The following RP1L1 variants were observed in gnomAD, a reference collection of about 807,000 sequenced individuals.
RP1L1 encodes retinitis pigmentosa 1-like 1 protein.
In RP1L1, 27 loss-of-function variants were observed where a neutral mutation model predicts 15.7. The observed-to-expected ratio is 1.72, with a 90% CI of 1.27 to 2.38. The LOEUF (loss-of-function observed/expected upper bound fraction) is 2.38, where lower values mean the gene tolerates loss of function less well. Ranked by LOEUF, RP1L1 falls within the 30% of genes most tolerant of loss-of-function variation. The probability of loss-of-function intolerance (pLI) is 0.00; values close to 1 mark genes in which losing one functional copy is unlikely to be tolerated. For synonymous variants in RP1L1, 1,813 were observed against 1,276.7 expected (o/e 1.42, Z -8.96); for missense variants, 4,798 against 3,075.9 (o/e 1.56, Z -13.24).
Position 10,612,438 on chromosome 8 carries a change from C to T in RP1L1, c.1660G>A (p.Gly554Ser), listed in dbSNP as rs1184701440. The change falls in exon 4 of 4, where the codon GGC becomes AGC. Residue 554 changes from glycine to serine, a missense_variant. Gly to Ser is a moderately conservative substitution (Grantham distance 56, BLOSUM62 0). Coordinates refer to ENST00000382483, the MANE Select transcript of RP1L1 (RefSeq NM_178857.6). ...TCGGCCCTTGCCTTGCCTGGACAGC[C>T]CTGGGGCCGCCCACCCCATTCGCTG... ...GSSEWGGRPQ[G>S]CPGKARAETS... is the part of the protein sequence containing the mutation. The T allele has an allele frequency of 1.9e-6, 3 of 1,612,604 alleles. No homozygotes were observed. Among genetic ancestry groups the T allele is most frequent in the Non-Finnish European group, 1.7e-6 (2 of 1,180,030 alleles).
Position 10,609,396 on chromosome 8 carries a change from G to A in RP1L1, c.4702C>T (p.Leu1568Phe), listed in dbSNP as rs1282133024. Residue 1568 changes from leucine to phenylalanine, a missense_variant, in exon 4 of 4, where the codon CTC (leucine) becomes TTC (phenylalanine). Leu to Phe is a conservative substitution (Grantham distance 22). Coordinates refer to ENST00000382483, the MANE Select transcript of RP1L1 (RefSeq NM_178857.6). ...AELQQDVAQR[L>F]QDSTKRELQK... Reference sequence around the variant, plus strand: ...AGCTCTCTCTTGGTGCTGTCCTGGAGGCGTTGGGCCACGTCCTGCTGCAGC... The same window carrying A: ...AGCTCTCTCTTGGTGCTGTCCTGGAAGCGTTGGGCCACGTCCTGCTGCAGC... The A allele has an allele frequency of 6.2e-7, 1 of 1,612,454 alleles. No homozygotes were observed. Among genetic ancestry groups the A allele is most frequent in the Non-Finnish European group, 8.5e-7 (1 of 1,179,932 alleles).
At position 10,611,576 on chromosome 8, in the gene RP1L1, G is replaced by C; in HGVS notation, c.2522C>G (p.Pro841Arg). 1 of 1,608,058 alleles carries C rather than the reference G, an allele frequency of 6.2e-7. No individual in the cohort carries two copies. The highest frequency in any genetic ancestry group is 8.5e-7 in the Non-Finnish European group (1 of 1,177,576). The change falls in exon 4 of 4, where the codon CCC (proline) becomes CGC (arginine). Residue 841 changes from proline (P) to arginine (R), a missense_variant. Pro to Arg is a moderately radical substitution (Grantham distance 103). Transcript: ENST00000382483. ...ACACAGCCAGCTAGCCTCAGGGGAGGGTCCCCGCTGGGCCTCTTGGGCCGG... is the reference window on the plus strand; with the variant it reads ...ACACAGCCAGCTAGCCTCAGGGGAGCGTCCCCGCTGGGCCTCTTGGGCCGG... ...TQPAQEAQRGPSPEASWLCGR... is the reference protein window; with the variant it reads ...TQPAQEAQRGRSPEASWLCGR...
intron 1 of RP1L1, among the ~76,000 whole-genome samples, chr8:10,632,748 CAG>C (rs1369080591): frequency 1.3e-5 from 2 of 152,218 alleles, no homozygotes; most frequent in Admixed American, 1.3e-4. Context: ...TCATCCAACA[CAG>C]GGGTCCCCTC....
chr8:10,621,558 T>C (rs1798059222), intron 2 of RP1L1: 3 of 378,446 alleles, frequency 7.9e-6, no homozygotes, highest in Non-Finnish European at 5.3e-6. Flanking sequence ...ACTCCTGACC[T>C]CAGGTGATCC....
In RP1L1 at chr8:10,610,434, T is replaced by C. The variant is rs886062582; in HGVS notation, c.3664A>G (p.Thr1222Ala). The change falls in exon 4 of 4, where the codon ACC (threonine) becomes GCC (alanine). Residue 1222 changes from threonine (T) to alanine (A), a missense_variant. Physicochemically the swap from Thr to Ala is moderately conservative, Grantham distance 58 (BLOSUM62 0). Coordinates refer to ENST00000382483, the MANE Select transcript of RP1L1 (RefSeq NM_178857.6). The part of the protein sequence containing the change: ...ESSVPCAMDG[T>A]LVTQGTELPL... ...AGCTCTGTCCCCTGTGTCACCAGGG[T>C]GCCGTCCATGGCACAGGGTACGCTA... is the stretch of plus-strand genomic sequence containing the variant. 31 of 1,613,718 alleles carry C rather than the reference T, an allele frequency of 1.9e-5. No individual in the cohort carries two copies. Among genetic ancestry groups the C allele is most frequent in the Non-Finnish European group, 2.4e-5 (28 of 1,180,032 alleles).
Position 10,622,387 on chromosome 8 carries a change from T to C in RP1L1, c.609+206A>G, listed in dbSNP as rs1335976911. 2.7e-5 allele frequency among the ~76,000 whole-genome samples: 4 copies of C among 150,098 alleles called. No individual in the cohort carries two copies. In the South Asian group the frequency reaches 8.4e-4, roughly 32 times the overall value. The stretch of plus-strand genomic sequence containing the variant: ...GGCACAATGCCTGCCACTTACCGCA[T>C]GCTCTCTAAATATACCTAAAAACAT... On this transcript the variant is annotated intron_variant, in intron 2 of 3. Transcript: ENST00000382483.
Position 10,616,567 on chromosome 8 carries a change from CAGGGCCTGCAGCGAGTCCACCTG to C in RP1L1, c.610-3_629del. 2.5e-6 allele frequency: 4 copies of C among 1,613,146 alleles called. No homozygotes were observed. Among genetic ancestry groups the C allele is most frequent in the Non-Finnish European group, 3.4e-6 (4 of 1,179,878 alleles). On this transcript the variant is annotated splice_acceptor_variant and splice_polypyrimidine_tract_variant and coding_sequence_variant and intron_variant, in exon 3 of 4. Coordinates refer to ENST00000382483, the MANE Select transcript of RP1L1 (RefSeq NM_178857.6). LOFTEE classifies it high-confidence loss of function. ...ACACCAGCACAGAGGGGCTGTGCAGCAGGGCCTGCAGCGAGTCCACCTGAGGGAGGAGCGGGCGGGGTCAGGAG... is the reference window on the plus strand; with the variant it reads ...ACACCAGCACAGAGGGGCTGTGCAGCAGGGAGGAGCGGGCGGGGTCAGGAG...
chr8:10,616,600 C>G lies in RP1L1; in HGVS notation c.610-13G>C. ...GCAGCGAGTCCACCTGAGGGAGGAG[C>G]GGGCGGGGTCAGGAGGCCTGGGCTG... is the stretch of plus-strand genomic sequence containing the variant. On this transcript the variant is annotated splice_polypyrimidine_tract_variant and intron_variant, in intron 2 of 3. Coordinates refer to ENST00000382483, the MANE Select transcript of RP1L1 (RefSeq NM_178857.6). 1.2e-6 allele frequency: 2 copies of G among 1,606,700 alleles called. No individual in the cohort carries two copies. The highest frequency in any genetic ancestry group is 1.3e-5 in the African/African-American group (1 of 74,964).
At chr8:10,628,556 G>T (rs911033742) in intron 1 of RP1L1, among the ~76,000 whole-genome samples, 1 of 152,162 alleles carries the variant, frequency 6.6e-6, no homozygotes, top group Non-Finnish European at 1.5e-5. Flanking sequence ...AAAAAACAAG[G>T]AGAGGAGAAA....
chr8:10,644,658 T>C (rs1307224419), intron 1 of RP1L1, among the ~76,000 whole-genome samples: 1 of 152,284 alleles, frequency 6.6e-6, no homozygotes, highest in East Asian at 1.9e-4. Flanking sequence ...ACCCTGCCCC[T>C]CTCACAGGCT....
At chr8:10,645,125 G>A (rs894515151) in intron 1 of RP1L1, among the ~76,000 whole-genome samples, 14 of 152,108 alleles carry the variant, frequency 9.2e-5, no homozygotes, top group Admixed American at 6.5e-4. Context: ...CCAGGAGTTC[G>A]AGACAAGTTC....
chr8:10,629,344 C>G (rs1382501724), intron 1 of RP1L1, among the ~76,000 whole-genome samples: 1 of 152,162 alleles, frequency 6.6e-6, no homozygotes, highest in Non-Finnish European at 1.5e-5. Context: ...CTAAGGGGGC[C>G]TGGGAGCCAA....
chr8:10,619,604 C>G (rs977876063), intron 2 of RP1L1, among the ~76,000 whole-genome samples: 2 of 152,076 alleles, frequency 1.3e-5, no homozygotes, highest in African/African-American at 4.8e-5. Flanking sequence ...AGCATCAAAC[C>G]CTCTGAGTGT....
chr8:10,627,613 T>G (rs1029180372), intron 1 of RP1L1, among the ~76,000 whole-genome samples: 2 of 151,444 alleles, frequency 1.3e-5, no homozygotes, highest in Admixed American at 1.3e-4. Context: ...GATGGCCAAT[T>G]CTATCTGGTG....
At chr8:10,639,102 A>T (rs1168433416) in intron 1 of RP1L1, among the ~76,000 whole-genome samples, 1 of 151,588 alleles carries the variant, frequency 6.6e-6, no homozygotes, top group African/African-American at 2.4e-5. Flanking sequence ...CCGAGATCGG[A>T]CCCTGCACTC....
chr8:10,609,721 C>G lies in RP1L1; in HGVS notation c.4377G>C (p.Glu1459Asp). 1 of 1,613,350 alleles carries G rather than the reference C, an allele frequency of 6.2e-7. No homozygotes were observed. The highest frequency in any genetic ancestry group is 1.1e-5 in the South Asian group (1 of 91,068). The stretch of plus-strand genomic sequence containing the variant: ...GCCTCTCGCTGGCACTTGGGTCCGT[C>G]TCGCTGAGATGACTAGGGGGCTCTG... ...EPTEPPSHLS[E>D]TDPSASERQS... The change falls in exon 4 of 4, where the codon GAG (glutamate) becomes GAC (aspartate). Residue 1459 changes from glutamate (E) to aspartate (D), a missense_variant. Coordinates refer to ENST00000382483, the MANE Select transcript of RP1L1 (RefSeq NM_178857.6).
chr8:10,638,197 C>T (rs1045100913), intron 1 of RP1L1, among the ~76,000 whole-genome samples: 12 of 152,202 alleles, frequency 7.9e-5, no homozygotes, highest in African/African-American at 2.4e-4. Flanking sequence ...CCAAAAATAC[C>T]GATATGCTTG....
rs1585958170 is a variant in RP1L1 at position 10,607,944 on chromosome 8, A to C, written c.6154T>G (p.Ser2052Ala). The C allele has an allele frequency of 6.3e-7, 1 of 1,593,552 alleles. No individual in the cohort carries two copies. Among genetic ancestry groups the C allele is most frequent in the Non-Finnish European group, 8.5e-7 (1 of 1,174,822 alleles). Residue 2052 changes from serine to alanine, a missense_variant, in exon 4 of 4, where the codon TCA becomes GCA. Transcript: ENST00000382483. Reference sequence around the variant, plus strand: ...GCCTCCGGGGCCTCTACACCGTCTGACTCTGGCTGGGCATCCCCTTCTGTC... The same window carrying C: ...GCCTCCGGGGCCTCTACACCGTCTGCCTCTGGCTGGGCATCCCCTTCTGTC... ...QKTEGDAQPE[S>A]DGVEAPEAEE... is the part of the protein sequence containing the mutation.
rs1797782365 is a variant in RP1L1 at position 10,609,401 on chromosome 8, T to C, written c.4697A>G (p.Gln1566Arg). ...TCTCTTGGTGCTGTCCTGGAGGCGT[T>C]GGGCCACGTCCTGCTGCAGCTCGGC... ...MAAELQQDVA[Q>R]RLQDSTKREL... Residue 1566 changes from glutamine to arginine, a missense_variant, in exon 4 of 4, where the codon CAA becomes CGA. Gln to Arg is a conservative substitution (Grantham distance 43, BLOSUM62 1). Coordinates refer to ENST00000382483, the MANE Select transcript of RP1L1 (RefSeq NM_178857.6). 2 of 1,612,412 alleles carry C rather than the reference T, an allele frequency of 1.2e-6. No homozygotes were observed. The highest frequency in any genetic ancestry group is 2.2e-5 in the East Asian group (1 of 44,872).
Sources: allele counts gnomAD v4.1 joint callset (sites outside exome capture counted in the v4.1 genomes callset), GRCh38; gene constraint gnomAD v4.1.1; transcripts MANE v1.5; gene names NCBI Gene and HGNC (gene_info 2026-07-23, HGNC 2026-07-21).